Variants in PLEC observed in about 807,000 individuals in gnomAD.
The protein encoded by PLEC is plectin.
Under a neutral mutation model 392.8 loss-of-function variants are expected in PLEC, and 216 were observed. That is an observed-to-expected ratio of 0.55 (90% CI 0.49 to 0.62). PLEC has a LOEUF of 0.62. Ranked by LOEUF, PLEC falls within the 20% of genes least tolerant of loss-of-function variation. PLEC has a pLI of 0.00. For missense variants in PLEC, 6,863 were observed against 6,563.4 expected, an observed-to-expected ratio of 1.05 and a Z score of -1.58; for synonymous variants, 3,621 against 2,980.6, an observed-to-expected ratio of 1.21 and a Z score of -7.00.
At chr8:143,943,485 C>T (rs577368623), upstream of PLEC, among the ~76,000 whole-genome samples, 5 of 152,338 alleles carry the variant, frequency 3.3e-5, no homozygotes, top group South Asian at 4.1e-4. Context: ...GTCCCTGCCA[C>T]GGCGGCTGCC....
Position 143,929,793 on chromosome 8 carries a change from G to C in PLEC, c.2776C>G (p.Leu926Val). ...TLKPEEQRQA[L>V]HSLELHYQAF... ...TGGTAGTGCAGCTCCAGGCTGTGCAGGGCTTGGCGCTGCTCCTCTGGCTTC... is the reference window on the plus strand; with the variant it reads ...TGGTAGTGCAGCTCCAGGCTGTGCACGGCTTGGCGCTGCTCCTCTGGCTTC... Residue 926 changes from leucine to valine, a missense_variant, in exon 23 of 32, where the codon CTG (leucine) becomes GTG (valine). Transcript: ENST00000345136. 4 of 1,599,902 alleles carry C rather than the reference G, an allele frequency of 2.5e-6. No individual in the cohort carries two copies. The highest frequency in any genetic ancestry group is 3.4e-6 in the Non-Finnish European group (4 of 1,178,706).
In PLEC at chr8:143,919,467, G is replaced by T; in HGVS notation, c.10354C>A (p.Gln3452Lys). 6.2e-7 allele frequency: 1 copy of T among 1,613,262 alleles called. No homozygotes were observed. Among genetic ancestry groups the T allele is most frequent in the South Asian group, 1.1e-5 (1 of 91,078 alleles). ...GSTISLFQAM[Q>K]KGLVLRQHGI... ...TGCTGCCGGAGAACCAGGCCCTTCT[G>T]CATGGCCTGGAAGAGGGAGATGGTG... The change falls in exon 32 of 32, where the codon CAG becomes AAG. Residue 3452 changes from glutamine (Q) to lysine (K), a missense_variant. Gln to Lys is a moderately conservative substitution (Grantham distance 53). Coordinates refer to ENST00000345136, the MANE Select transcript of PLEC (RefSeq NM_201384.3).
intron 1 of PLEC, among the ~76,000 whole-genome samples, chr8:143,970,537 G>T (rs1554743903): frequency 6.6e-6 from 1 of 152,154 alleles, no homozygotes; most frequent in Non-Finnish European, 1.5e-5. Flanking sequence ...TTTTTTAATA[G>T]CTTTATTGAG....
Position 143,934,846 on chromosome 8 carries a change from C to A in PLEC, c.909G>T (p.Glu303Asp), listed in dbSNP as rs782686704. Residue 303 changes from glutamate to aspartate, a missense_variant, in exon 9 of 32, where the codon GAG becomes GAT. By Grantham distance (45) the Glu-to-Asp change is conservative. Transcript: ENST00000345136. ...CGAAGCTGGAGGGGAACCTGCGTTC[C>A]TCAAAGGCGGCCGTGTGGTGTCGCA... ...QWMRHHTAAF[E>D]ERRFPSSFEE... The A allele has an allele frequency of 6.2e-7, 1 of 1,611,554 alleles. No homozygotes were observed. Among genetic ancestry groups the A allele is most frequent in the Non-Finnish European group, 8.5e-7 (1 of 1,179,810 alleles).
chr8:143,938,070 G>A (rs1587208079), intron 3 of PLEC, 81 bp downstream of exon 3: 23 of 995,390 alleles, frequency 2.3e-5, no homozygotes, highest in South Asian at 5.4e-5. Flanking sequence ...GTGGGCGGCC[G>A]GAGAGGCCCC....
At chr8:143,963,660 G>A (rs1485352877) in intron 1 of PLEC, among the ~76,000 whole-genome samples, 1 of 152,038 alleles carries the variant, frequency 6.6e-6, no homozygotes, top group Non-Finnish European at 1.5e-5. Context: ...TCAGATTTGG[G>A]ACTTCTGAGC....
chr8:143,975,396 G>T, upstream of PLEC: 1 of 1,595,650 alleles, frequency 6.3e-7, no homozygotes, highest in Non-Finnish European at 8.5e-7. This position sits in a 1 kb window ranked among gnomAD's most constrained non-coding sequence, Gnocchi z 9.9. Context: ...AGCAGGAGGG[G>T]TCACATCTCT....
At chr8:143,930,663 G>A (rs1826971630) in intron 19 of PLEC, 127 bp from the exon 20 acceptor site, 6 of 994,402 alleles carry the variant, frequency 6.0e-6, no homozygotes, top group Non-Finnish European at 7.5e-6. Context: ...GCACTTGGAA[G>A]CAGGAGGTAT....
rs1820280740 is a variant in PLEC, at chr8:143,915,478, A to G, written c.*699T>C. 1 of 152,270 alleles carries G rather than the reference A, an allele frequency of 6.6e-6. No homozygotes were observed. The highest frequency in any genetic ancestry group is 2.4e-5 in the African/African-American group (1 of 41,424). 9.4% of individuals were successfully genotyped at this position (152,270 alleles called of 1,614,324 possible). On this transcript the variant is annotated 3_prime_UTR_variant, in exon 32 of 32. Coordinates refer to ENST00000345136, the MANE Select transcript of PLEC (RefSeq NM_201384.3). ...AGGGGCCCCTGGACCCACCAGGAGG[A>G]CAGGTCTGCAGTTCCCAGCCATGCC...
Position 143,918,737 on chromosome 8 carries a change from A to G in PLEC, c.11084T>C (p.Val3695Ala), listed in dbSNP as rs1224505916. 3 of 1,612,908 alleles carry G rather than the reference A, an allele frequency of 1.9e-6. No homozygotes were observed. The highest frequency in any genetic ancestry group is 2.2e-5 in the East Asian group (1 of 44,848). Residue 3695 changes from valine (V) to alanine (A), a missense_variant, in exon 32 of 32, where the codon GTC becomes GCC. By Grantham distance (64) the Val-to-Ala change is moderately conservative (BLOSUM62 0). Transcript: ENST00000345136. ...YLYGTGSVAG[V>A]YLPGSRQTLS... ...TGTCTGCCTGGAACCGGGCAGGTAG[A>G]CACCAGCCACGGAGCCCGTGCCATA...
chr8:143,973,293 G>T lies in PLEC; in HGVS notation c.70+110C>A, dbSNP rs1364970125. 2 of 1,359,648 alleles carry T rather than the reference G, an allele frequency of 1.5e-6. No homozygotes were observed. The highest frequency in any genetic ancestry group is 2.0e-6 in the Non-Finnish European group (2 of 995,006). 84.2% of individuals were successfully genotyped at this position (1,359,648 alleles called of 1,614,324 possible). A position where few individuals can be genotyped will look rare whatever the true frequency, so the allele number is the denominator to read the frequency against. ...GGCGATCCAGGCGGACGAGGCCGGC[G>T]GAGTGGCCGCGCTCGGGCCGGCGAT... On this transcript the variant is annotated intron_variant, in intron 1 of 31. Coordinates refer to the PLEC transcript ENST00000356346. The surrounding 1 kb of genome is among the most constrained non-coding windows in gnomAD (Gnocchi z 5.6).
At position 143,923,410 on chromosome 8, in the gene PLEC, G is replaced by A. The variant is rs782289515; in HGVS notation, c.6519C>T (p.Phe2173=). The A allele has an allele frequency of 6.2e-5, 100 of 1,610,558 alleles. No homozygotes were observed. The highest frequency in any genetic ancestry group is 3.8e-4 in the South Asian group (35 of 91,026). ...ADAEMEKHKK[F]AEQTLRQKAQ... The stretch of plus-strand genomic sequence containing the variant: ...CCTTCTGCCGCAGCGTCTGCTCGGC[G>A]AATTTCTTATGCTTCTCCATCTCCG... The change falls in exon 31 of 32, where the codon TTC becomes TTT. Residue 2173 remains phenylalanine (F), a synonymous_variant. Transcript: ENST00000345136.
At chr8:143,961,201 A>C (rs557003410) in intron 1 of PLEC, among the ~76,000 whole-genome samples, 1 of 151,774 alleles carries the variant, frequency 6.6e-6, no homozygotes, top group African/African-American at 2.4e-5. Context: ...TAAAGCTTAA[A>C]TTTTGAAAAC....
Position 143,925,431 on chromosome 8 carries a change from G to A in PLEC, c.4498C>T (p.Arg1500Trp), listed in dbSNP as rs781942131. 6.9e-6 allele frequency: 11 copies of A among 1,594,802 alleles called. No individual in the cohort carries two copies. The highest frequency in any genetic ancestry group is 2.2e-5 in the South Asian group (2 of 90,700). ...RQAQEEAERL[R>W]RQVQDESQRK... ...TGGCTCTCGTCCTGCACCTGCCTCC[G>A]CAAGCGCTCGGCCTCCTCCTGCGCC... The change falls in exon 31 of 32, where the codon CGG becomes TGG. Residue 1500 changes from arginine to tryptophan, a missense_variant. Coordinates refer to ENST00000345136, the MANE Select transcript of PLEC (RefSeq NM_201384.3).
intron 1 of PLEC, among the ~76,000 whole-genome samples, chr8:143,946,999 C>G (rs7464572): frequency 0.3 from 45,271 of 152,008 alleles, 7,912 homozygotes; most frequent in Non-Finnish European, 0.39. Flanking sequence ...GCTTGCTGAC[C>G]AGTGAAGTGC....
rs1554707452 is a variant in PLEC at position 143,927,447 on chromosome 8, T to C, written c.3719A>G (p.Asp1240Gly). The change falls in exon 27 of 32, where the codon GAC becomes GGC. Residue 1240 changes from aspartate (D) to glycine (G), a missense_variant. Physicochemically the swap from Asp to Gly is moderately conservative, Grantham distance 94. Transcript: ENST00000345136. Reference protein sequence around the residue: ...QEQIQAMPLADSQAVREQLRQ... With the variant: ...QEQIQAMPLAGSQAVREQLRQ... ...CAGCTGCTCCCGCACAGCCTGGCTG[T>C]CGGCCAGCGGCATGGCCTGGATCTG... 6.3e-7 allele frequency: 1 copy of C among 1,599,156 alleles called. No individual in the cohort carries two copies. The highest frequency in any genetic ancestry group is 1.3e-5 in the African/African-American group (1 of 74,818).
At chr8:143,939,251 C>G (rs1829920417) in intron 1 of PLEC, 99 bp downstream of exon 1, 1 of 1,478,562 alleles carries the variant, frequency 6.8e-7, no homozygotes, top group Non-Finnish European at 9.2e-7. Context: ...CAAGACCAGC[C>G]CCCCAGCGGT....
Position 143,918,277 on chromosome 8 carries a change from G to T in PLEC, c.11544C>A (p.Asp3848Glu). The T allele has an allele frequency of 6.3e-7, 1 of 1,593,294 alleles. No individual in the cohort carries two copies. Among genetic ancestry groups the T allele is most frequent in the Non-Finnish European group, 8.5e-7 (1 of 1,177,284 alleles). The part of the protein sequence containing the change: ...SEPSEVRSYV[D>E]PSTDERLSYT... ...AGCTGAGGCGCTCGTCGGTGGACGGGTCCACGTAGCTGCGCACCTCGCTGG... is the reference window on the plus strand; with the variant it reads ...AGCTGAGGCGCTCGTCGGTGGACGGTTCCACGTAGCTGCGCACCTCGCTGG... The change falls in exon 32 of 32, where the codon GAC becomes GAA. Residue 3848 changes from aspartate (D) to glutamate (E), a missense_variant. Asp to Glu is a conservative substitution (Grantham distance 45). Transcript: ENST00000345136.
chr8:143,939,222 G>A, intron 1 of PLEC, 128 bp downstream of exon 1: 5 of 1,296,052 alleles, frequency 3.9e-6, no homozygotes, highest in Non-Finnish European at 5.4e-6. Flanking sequence ...GGGGATGGCT[G>A]GCCCCCGACC....
Sources: allele counts gnomAD v4.1 joint callset (sites outside exome capture counted in the v4.1 genomes callset), GRCh38; gene constraint gnomAD v4.1.1; non-coding constraint Gnocchi (gnomAD v3.1); transcripts MANE v1.5; gene names NCBI Gene and HGNC (gene_info 2026-07-23, HGNC 2026-07-21).